PTPRG: variants seen among roughly 807,000 people sequenced by gnomAD.
PTPRG encodes receptor-type tyrosine-protein phosphatase gamma.
A neutral mutation model predicts 165.3 loss-of-function variants in PTPRG; 102 were observed. The observed-to-expected ratio is 0.62, with a 90% CI of 0.53 to 0.73. The LOEUF is 0.73. Ranked by LOEUF, PTPRG falls within the 30% of genes least tolerant of loss-of-function variation. The pLI, the probability that PTPRG is intolerant of heterozygous loss-of-function variation, is 0.00. For missense variants in PTPRG, 1,866 were observed against 1,861.4 expected, an observed-to-expected ratio of 1.00 and a Z score of -0.05; for synonymous variants, 675 against 669.5, an observed-to-expected ratio of 1.01 and a Z score of -0.13.
intron 1 of PTPRG, among the ~76,000 whole-genome samples, chr3:61,661,067 T>TAG (rs1702648552): frequency 6.6e-6 from 1 of 151,124 alleles, no homozygotes; most frequent in Non-Finnish European, 1.5e-5. Flanking sequence ...CCCCCCTAAT[T>TAG]AAAAATTTTT....
chr3:61,862,244 G>A (rs1034511862), intron 2 of PTPRG, among the ~76,000 whole-genome samples: 4 of 152,194 alleles, frequency 2.6e-5, no homozygotes, highest in African/African-American at 9.7e-5. Context: ...AGGCTGTGGT[G>A]CCCAAAAGGT....
chr3:61,733,487 G>T (rs1446524614), intron 1 of PTPRG, among the ~76,000 whole-genome samples: 1 of 152,094 alleles, frequency 6.6e-6, no homozygotes, highest in East Asian at 1.9e-4. Context: ...CTCTGGTGAG[G>T]GTTAACATGA....
intron 2 of PTPRG, among the ~76,000 whole-genome samples, chr3:61,924,488 C>T (rs1250086633): frequency 6.6e-6 from 1 of 152,196 alleles, no homozygotes; most frequent in Admixed American, 6.5e-5. Context: ...CTTTGAAGCA[C>T]CTTGATTAAA....
At chr3:61,869,457 C>T (rs1371070483) in intron 2 of PTPRG, among the ~76,000 whole-genome samples, 4 of 152,132 alleles carry the variant, frequency 2.6e-5, no homozygotes, top group Admixed American at 2.0e-4. Context: ...GGTGGTTGCA[C>T]GTTTCAAGAT....
At chr3:61,617,554 A>T (rs1260310752) in intron 1 of PTPRG, among the ~76,000 whole-genome samples, 2 of 152,208 alleles carry the variant, frequency 1.3e-5, no homozygotes, top group Non-Finnish European at 2.9e-5. Context: ...CTGATTAGCT[A>T]TATAAAACCA....
At chr3:62,231,826 T>G (rs560565119) in intron 14 of PTPRG, among the ~76,000 whole-genome samples, 89 of 151,872 alleles carry the variant, frequency 5.9e-4, no homozygotes, top group African/African-American at 1.9e-3. Flanking sequence ...GAAGTTGTTT[T>G]TTTTTTTTAA....
intron 1 of PTPRG, among the ~76,000 whole-genome samples, chr3:61,681,376 C>G (rs1284297633): frequency 6.6e-6 from 1 of 152,202 alleles, no homozygotes; most frequent in Non-Finnish European, 1.5e-5. Flanking sequence ...TCAGCCTTGA[C>G]CCTGCAATCT....
chr3:62,156,232 T>G (rs1361028229), intron 6 of PTPRG, among the ~76,000 whole-genome samples: 1 of 152,220 alleles, frequency 6.6e-6, no homozygotes, highest in Non-Finnish European at 1.5e-5. Context: ...CTAACCTCAG[T>G]GCCTTCTATG....
chr3:62,142,504 C>T (rs1013690562), intron 6 of PTPRG, among the ~76,000 whole-genome samples: 7 of 152,100 alleles, frequency 4.6e-5, no homozygotes, highest in African/African-American at 1.7e-4. Flanking sequence ...TTATATTTCA[C>T]AATCAAAGAA....
At chr3:62,263,829 A>G (rs1701772686) in intron 17 of PTPRG, 1 of 152,250 alleles carries the variant, frequency 6.6e-6, no homozygotes, top group South Asian at 2.1e-4. Context: ...CCTGGCCAAC[A>G]TGGTGAAACT....
intron 2 of PTPRG, among the ~76,000 whole-genome samples, chr3:61,964,851 C>G (rs1394774243): frequency 1.3e-5 from 2 of 151,914 alleles, no homozygotes; most frequent in East Asian, 3.9e-4. Flanking sequence ...TCTCATTGAC[C>G]TAGAATTTTA....
intron 2 of PTPRG, among the ~76,000 whole-genome samples, chr3:61,776,291 C>G: frequency 6.6e-6 from 1 of 151,970 alleles, no homozygotes; most frequent in Admixed American, 6.6e-5. Context: ...GTGAGTGAGA[C>G]CTATGAGCTT....
chr3:61,876,380 A>G (rs1418536965), intron 2 of PTPRG, among the ~76,000 whole-genome samples: 1 of 152,178 alleles, frequency 6.6e-6, no homozygotes, highest in African/African-American at 2.4e-5. Context: ...GTACAATTCA[A>G]ATAAGATTTT....
Position 62,269,105 on chromosome 3 carries a change from G to A in PTPRG, c.2945G>A (p.Ser982Asn). 1 of 1,608,750 alleles carries A rather than the reference G, an allele frequency of 6.2e-7. No homozygotes were observed. Among genetic ancestry groups the A allele is most frequent in the East Asian group, 2.2e-5 (1 of 44,720 alleles). The change falls in exon 20 of 30, where the codon AGC (serine) becomes AAC (asparagine). Residue 982 changes from serine (S) to asparagine (N), a missense_variant. Transcript: ENST00000474889. ...GGAAACATTATTGTCACGCTGAAGA[G>A]CACAAAAATACATGCCTGCTACACT... ...EYGNIIVTLK[S>N]TKIHACYTVR...
At chr3:62,059,442 C>A (rs1330175739) in intron 4 of PTPRG, among the ~76,000 whole-genome samples, 1 of 152,184 alleles carries the variant, frequency 6.6e-6, no homozygotes, top group African/African-American at 2.4e-5. Context: ...TTTGATCTTA[C>A]CTTGTAAGAA....
At position 61,849,287 on chromosome 3, in the gene PTPRG, A is replaced by G. The variant is rs188298487; in HGVS notation, c.190+100305A>G. ...CCACAATTAATGCTTTCAAATCAAC[A>G]TAATGGTGGATGGTTTGTTTTTTGC... is the stretch of plus-strand genomic sequence containing the variant. On this transcript the variant is annotated intron_variant, in intron 2 of 29. Coordinates refer to ENST00000474889, the MANE Select transcript of PTPRG (RefSeq NM_002841.4). 7.2e-5 allele frequency among the ~76,000 whole-genome samples: 11 copies of G among 152,324 alleles called. No individual in the cohort carries two copies. The East Asian group carries it at 2.1e-3, about 29-fold the overall frequency.
intron 5 of PTPRG, among the ~76,000 whole-genome samples, chr3:62,095,907 A>G (rs1702092576): frequency 6.6e-6 from 1 of 152,186 alleles, no homozygotes; most frequent in African/African-American, 2.4e-5. Flanking sequence ...CAAGGACCAG[A>G]GAGAAAGCCC....
intron 2 of PTPRG, among the ~76,000 whole-genome samples, chr3:61,971,287 G>A (rs567012809): frequency 2.6e-5 from 4 of 152,164 alleles, no homozygotes; most frequent in Non-Finnish European, 4.4e-5. Context: ...ACTCTGAAGC[G>A]AATAGAAGTA....
At chr3:61,623,385 A>G (rs990800758) in intron 1 of PTPRG, among the ~76,000 whole-genome samples, 2 of 152,206 alleles carry the variant, frequency 1.3e-5, no homozygotes, top group Non-Finnish European at 2.9e-5. Context: ...GGGGACTAGA[A>G]CACAGAGAAA....
Sources: gnomAD v4.1 joint callset for allele counts (sites outside exome capture counted in the v4.1 genomes callset) on GRCh38, gnomAD v4.1.1 for gene constraint, MANE v1.5 for transcripts, NCBI Gene and HGNC (gene_info 2026-07-23, HGNC 2026-07-21) for gene names.